GGA3: variants seen among roughly 807,000 people sequenced by gnomAD.
GGA3 encodes ADP-ribosylation factor-binding protein GGA3.
Under a neutral mutation model 77.5 loss-of-function variants are expected in GGA3, and 57 were observed. That is an observed-to-expected ratio of 0.74 (90% CI 0.59 to 0.92). The LOEUF (loss-of-function observed/expected upper bound fraction) is 0.92, where lower values mean the gene tolerates loss of function less well. Among genes scored for constraint, GGA3 ranks in the 40% least tolerant of loss-of-function variants. GGA3 has a pLI of 0.00. For synonymous variants in GGA3, 416 were observed against 383.7 expected (o/e 1.08, Z -0.98); for missense variants, 970 against 914.9 (o/e 1.06, Z -0.78).
chr17:75,241,352 C>G, intron 10 of GGA3, 48 bp downstream of exon 10: 1 of 1,214,572 alleles, frequency 8.2e-7, no homozygotes, highest in Non-Finnish European at 1.2e-6. Context: ...TGATAGGGGC[C>G]TGAGGCTGGT....
intron 1 of GGA3, among the ~76,000 whole-genome samples, chr17:75,250,912 T>A (rs903359564): frequency 6.6e-6 from 1 of 151,726 alleles, no homozygotes; most frequent in African/African-American, 2.4e-5. Flanking sequence ...TGAAACCCCA[T>A]CTCTACTAAA....
intron 1 of GGA3, among the ~76,000 whole-genome samples, chr17:75,255,081 C>G (rs2077097558): frequency 6.6e-6 from 1 of 152,174 alleles, no homozygotes; most frequent in African/African-American, 2.4e-5. Flanking sequence ...CCCCATAGAC[C>G]ATCACAGATG....
intron 1 of GGA3, among the ~76,000 whole-genome samples, chr17:75,256,784 G>A (rs1476238685): frequency 6.6e-6 from 1 of 151,974 alleles, no homozygotes; most frequent in African/African-American, 2.4e-5. Context: ...CCCAGGACTG[G>A]CAAATTAGCT....
intron 1 of GGA3, among the ~76,000 whole-genome samples, chr17:75,261,169 T>C (rs1026683381): frequency 6.6e-6 from 1 of 152,224 alleles, no homozygotes; most frequent in Non-Finnish European, 1.5e-5. Flanking sequence ...TCTCCCTTAG[T>C]CAGGGATTGG....
At chr17:75,247,880 C>T (rs1479171170) in intron 1 of GGA3, among the ~76,000 whole-genome samples, 5 of 152,186 alleles carry the variant, frequency 3.3e-5, no homozygotes, top group African/African-American at 1.2e-4. Context: ...CCTTCCCAAA[C>T]CTGTGATTAC....
chr17:75,261,393 G>A (rs1243545060), intron 1 of GGA3, among the ~76,000 whole-genome samples, 155 bp downstream of exon 1: 2 of 152,256 alleles, frequency 1.3e-5, no homozygotes, highest in Non-Finnish European at 2.9e-5. Flanking sequence ...GCCCTGATAG[G>A]GAAGGGGCGT....
rs911776089 is a variant in GGA3, at chr17:75,239,721, A to G, written c.1583+68T>C. Reference sequence around the variant, plus strand: ...CTACAAGGCACCCCCACCCCTTCAAAGTTAGCTCTGGTTCTGACACATTCA... The same window carrying G: ...CTACAAGGCACCCCCACCCCTTCAAGGTTAGCTCTGGTTCTGACACATTCA... On this transcript the variant is annotated intron_variant, in intron 13 of 16. Coordinates refer to ENST00000537686, the MANE Select transcript of GGA3 (RefSeq NM_138619.4). The G allele has an allele frequency of 2.4e-5, 37 of 1,573,352 alleles. No individual in the cohort carries two copies. The Admixed American group carries it at 5.8e-4, about 25-fold the overall frequency.
upstream of GGA3, chr17:75,261,657 T>A: frequency 7.1e-7 from 1 of 1,402,692 alleles, no homozygotes; most frequent in Non-Finnish European, 9.5e-7. Context: ...GGGCGGGGCC[T>A]GCATGGGGTC....
intron 1 of GGA3, among the ~76,000 whole-genome samples, chr17:75,250,079 G>A (rs866789884): frequency 3.3e-5 from 5 of 152,144 alleles, no homozygotes; most frequent in East Asian, 1.9e-4. Context: ...GAGCTCACCC[G>A]CCCACAGGAA....
In GGA3 at chr17:75,246,814, A is replaced by G. The variant is rs2242230; in HGVS notation, c.41-18T>C. On this transcript the variant is annotated intron_variant, in intron 1 of 16. Coordinates refer to ENST00000537686, the MANE Select transcript of GGA3 (RefSeq NM_138619.4). ...GGCTTTATCTTGCAACACAACAAAG[A>G]AGAGGACAAGTGTTAGGAAGAGCAA... is the stretch of plus-strand genomic sequence containing the variant. 1,296,954 of 1,597,204 alleles carry G rather than the reference A, an allele frequency of 0.81. 531,754 individuals carry two copies. The highest frequency in any genetic ancestry group is 0.88 in the East Asian group (39,624 of 44,834).
rs745528959 is a variant in GGA3, at chr17:75,238,658, T to C, written c.2055A>G (p.Pro685=). The C allele has an allele frequency of 5.0e-6, 8 of 1,610,042 alleles. No homozygotes were observed. The highest frequency in any genetic ancestry group is 6.8e-6 in the Non-Finnish European group (8 of 1,177,016). The change falls in exon 16 of 17, where the codon CCA becomes CCG. Residue 685 remains proline (P), a synonymous_variant. Transcript: ENST00000537686. Reference sequence around the variant, plus strand: ...TGGGTTCTTTGCTGCTCACCTTCAGTGGATTGGCCAGCAACATGACCTGGG... The same window carrying C: ...TGGGTTCTTTGCTGCTCACCTTCAGCGGATTGGCCAGCAACATGACCTGGG... ...AITQVMLLAN[P]LKEKVRLRYK...
chr17:75,249,872 T>C (rs2076901113), intron 1 of GGA3, among the ~76,000 whole-genome samples: 1 of 152,214 alleles, frequency 6.6e-6, no homozygotes. Flanking sequence ...ACAGCATTTC[T>C]ACTTCCAAGA....
intron 10 of GGA3, among the ~76,000 whole-genome samples, 162 bp downstream of exon 10, chr17:75,241,238 A>T (rs1287412194): frequency 2.0e-5 from 3 of 152,170 alleles, no homozygotes; most frequent in Non-Finnish European, 4.4e-5. Flanking sequence ...TCCTACCCAC[A>T]TCTCCAGGCC....
At chr17:75,239,724 T>A in intron 13 of GGA3, 65 bp downstream of exon 13, 1 of 1,576,264 alleles carries the variant, frequency 6.3e-7, no homozygotes, top group South Asian at 1.1e-5. Context: ...CCTTCAAAGT[T>A]AGCTCTGGTT....
chr17:75,248,819 AAC>A lies in GGA3; in HGVS notation c.41-2025_41-2024del, dbSNP rs1234683334. 5.7e-5 allele frequency: 47 copies of A among 824,586 alleles called. 1 individual carries two copies. Among genetic ancestry groups the A allele is most frequent in the African/African-American group, 4.8e-4 (7 of 14,632 alleles). 51.1% of individuals were successfully genotyped at this position (824,586 alleles called of 1,614,324 possible). On this transcript the variant is annotated intron_variant, in intron 1 of 16. Transcript: ENST00000537686. ...ACAAAAACAAAAACAAAAAAAACAA[AAC>A]AAAAAAAAAAAAACTCACCAGCTGG...
chr17:75,262,107 AAGTT>A, upstream of GGA3: 1 of 1,173,220 alleles, frequency 8.5e-7, no homozygotes, highest in Non-Finnish European at 1.2e-6. Flanking sequence ...TCAAGCTTCT[AAGTT>A]AGCTGCGTGA....
intron 1 of GGA3, among the ~76,000 whole-genome samples, chr17:75,255,934 G>A (rs984326042): frequency 2.6e-5 from 4 of 152,288 alleles, no homozygotes; most frequent in African/African-American, 9.6e-5. Context: ...CTGTACTGCT[G>A]CAAGGCTTCA....
In GGA3 at chr17:75,239,861, T is replaced by C. The variant is rs368281017; in HGVS notation, c.1511A>G (p.His504Arg). Reference protein sequence around the residue: ...PKVEPAVPGHHGLALGNSALH... With the variant: ...PKVEPAVPGHRGLALGNSALH... Reference sequence around the variant, plus strand: ...CGCGCTGTTGCCCAACGCCAAGCCATGGTGCCCAGGGACTGCGGGCTCAAC... The same window carrying C: ...CGCGCTGTTGCCCAACGCCAAGCCACGGTGCCCAGGGACTGCGGGCTCAAC... The change falls in exon 13 of 17, where the codon CAT becomes CGT. Residue 504 changes from histidine to arginine, a missense_variant. Physicochemically the swap from His to Arg is conservative, Grantham distance 29. Transcript: ENST00000537686. 9.3e-6 allele frequency: 15 copies of C among 1,613,962 alleles called. No individual in the cohort carries two copies. In the South Asian group the frequency reaches 1.5e-4, roughly 17 times the overall value.
At chr17:75,258,651 C>T (rs1029922019) in intron 1 of GGA3, among the ~76,000 whole-genome samples, 4 of 152,148 alleles carry the variant, frequency 2.6e-5, no homozygotes, top group Non-Finnish European at 5.9e-5. Flanking sequence ...GCCTGGGTGA[C>T]AGTGCAAGAC....
Sources: gnomAD v4.1 joint callset for allele counts (sites outside exome capture counted in the v4.1 genomes callset) on GRCh38, gnomAD v4.1.1 for gene constraint, MANE v1.5 for transcripts, NCBI Gene and HGNC (gene_info 2026-07-23, HGNC 2026-07-21) for gene names.